Variants in C8orf34 observed in about 807,000 individuals in gnomAD.
The protein encoded by C8orf34 is uncharacterized protein C8orf34.
A neutral mutation model predicts 68.3 loss-of-function variants in C8orf34; 65 were observed. The observed-to-expected ratio is 0.95, with a 90% CI of 0.78 to 1.17. C8orf34 has a LOEUF of 1.17. Among genes scored for constraint, C8orf34 ranks in the 50% most tolerant of loss-of-function variants. C8orf34 has a pLI of 0.00. For missense variants in C8orf34, 664 were observed against 655.4 expected (o/e 1.01, Z -0.14); for synonymous variants, 244 against 241.2 (o/e 1.01, Z -0.11).
intron 6 of C8orf34, among the ~76,000 whole-genome samples, chr8:68,528,433 T>G (rs1815105756): frequency 1.3e-5 from 2 of 152,210 alleles, no homozygotes; most frequent in African/African-American, 4.8e-5. Flanking sequence ...ACCCACCTTG[T>G]TCTTAATTTT....
intron 12 of C8orf34, among the ~76,000 whole-genome samples, chr8:68,807,954 C>T (rs1257420533): frequency 6.6e-6 from 1 of 152,180 alleles, no homozygotes; most frequent in Admixed American, 6.5e-5. Context: ...ATTTGGGTAA[C>T]ATTTCTCAGT....
chr8:68,334,701 T>C (rs1048034393), intron 1 of C8orf34, among the ~76,000 whole-genome samples: 2 of 152,180 alleles, frequency 1.3e-5, no homozygotes, highest in African/African-American at 2.4e-5. Flanking sequence ...CAAAAGTCAC[T>C]ACATTTCTCT....
intron 1 of C8orf34, among the ~76,000 whole-genome samples, chr8:68,378,534 T>C (rs911018815): frequency 6.6e-6 from 1 of 152,164 alleles, no homozygotes; most frequent in Non-Finnish European, 1.5e-5. Flanking sequence ...CTGATTCTCC[T>C]GCCTCAGCCT....
intron 1 of C8orf34, among the ~76,000 whole-genome samples, chr8:68,431,506 C>T (rs1037194567): frequency 5.1e-4 from 77 of 152,150 alleles, no homozygotes; most frequent in African/African-American, 1.8e-3. Context: ...AACACTAAAT[C>T]AGTTGCTTCC....
rs571082299 is a variant in C8orf34, at chr8:68,726,367, G to C, written c.1404+4930G>C. Reference sequence around the variant, plus strand: ...TTGCTCAGGTTTTTCGGAATTGGAGGACTCTGAGAAACCAGAGCAGTATGG... The same window carrying C: ...TTGCTCAGGTTTTTCGGAATTGGAGCACTCTGAGAAACCAGAGCAGTATGG... On this transcript the variant is annotated intron_variant, in intron 10 of 13. Transcript: ENST00000518698. Among the ~76,000 whole-genome samples, 8 of 152,284 alleles carry C rather than the reference G, an allele frequency of 5.3e-5. No individual in the cohort carries two copies. In the South Asian group the frequency reaches 1.7e-3, roughly 32 times the overall value.
chr8:68,582,787 A>G (rs188947365), intron 7 of C8orf34, among the ~76,000 whole-genome samples: 90 of 152,254 alleles, frequency 5.9e-4, no homozygotes, highest in South Asian at 1.5e-3. Flanking sequence ...ACAGAAGTTG[A>G]TTAACATGCA....
chr8:68,420,284 A>G (rs1809904267), intron 1 of C8orf34, among the ~76,000 whole-genome samples: 1 of 152,132 alleles, frequency 6.6e-6, no homozygotes, highest in African/African-American at 2.4e-5. Flanking sequence ...GGGACCCAGA[A>G]GAACATCAGA....
In C8orf34 at chr8:68,538,053, C is replaced by G. The variant is rs1752680920; in HGVS notation, c.1105+4904C>G. 2.0e-5 allele frequency among the ~76,000 whole-genome samples: 3 copies of G among 152,102 alleles called. No homozygotes were observed. In the South Asian group the frequency reaches 6.2e-4, roughly 32 times the overall value. ...CAAATTATTGACAAATGCCTTTTATCTCAATTATACACCTATTGGAAAATT... is the reference window on the plus strand; with the variant it reads ...CAAATTATTGACAAATGCCTTTTATGTCAATTATACACCTATTGGAAAATT... On this transcript the variant is annotated intron_variant, in intron 7 of 13. Transcript: ENST00000518698.
At chr8:68,718,385 T>C (rs1232453608) in intron 9 of C8orf34, among the ~76,000 whole-genome samples, 1 of 152,206 alleles carries the variant, frequency 6.6e-6, no homozygotes, top group African/African-American at 2.4e-5. Flanking sequence ...TTATAAGGAC[T>C]CAAATTTCCT....
At chr8:68,798,785 G>T (rs1219575604) in intron 12 of C8orf34, among the ~76,000 whole-genome samples, 1 of 152,012 alleles carries the variant, frequency 6.6e-6, no homozygotes, top group East Asian at 1.9e-4. Context: ...CCATGTTTGT[G>T]GTAAAACTGT....
intron 12 of C8orf34, among the ~76,000 whole-genome samples, chr8:68,810,308 G>T (rs1824607163): frequency 6.6e-6 from 1 of 152,230 alleles, no homozygotes; most frequent in African/African-American, 2.4e-5. Flanking sequence ...TGCCAGCACG[G>T]ACATTGTCTC....
chr8:68,703,732 A>G (rs1306385755), intron 8 of C8orf34, among the ~76,000 whole-genome samples: 1 of 152,082 alleles, frequency 6.6e-6, no homozygotes, highest in Non-Finnish European at 1.5e-5. Context: ...GTTGAGCAAC[A>G]GCCACCTGTC....
At chr8:68,377,560 C>G (rs1009387095) in intron 1 of C8orf34, among the ~76,000 whole-genome samples, 13 of 152,144 alleles carry the variant, frequency 8.5e-5, no homozygotes, top group African/African-American at 2.7e-4. Flanking sequence ...TTCTGCTACT[C>G]TCAGTAATAT....
Position 68,776,449 on chromosome 8 carries a change from A to C in C8orf34, c.1455A>C (p.Glu485Asp), listed in dbSNP as rs765183450. 6.2e-7 allele frequency: 1 copy of C among 1,612,214 alleles called. No homozygotes were observed. Among genetic ancestry groups the C allele is most frequent in the East Asian group, 2.2e-5 (1 of 44,818 alleles). Residue 485 changes from glutamate to aspartate, a missense_variant and splice_region_variant, in exon 11 of 14, where the codon GAA (glutamate) becomes GAC (aspartate). Glu to Asp is a conservative substitution (Grantham distance 45). Transcript: ENST00000518698. ...VGHSLKNYME[E>D]DESLKQLQVV... is the part of the protein sequence containing the mutation. Reference sequence around the variant, plus strand: ...ACTCACTGAAAAACTACATGGAAGAAGTGAGTTTTAAGGTTGCTTTATAAT... The same window carrying C: ...ACTCACTGAAAAACTACATGGAAGACGTGAGTTTTAAGGTTGCTTTATAAT...
intron 10 of C8orf34, among the ~76,000 whole-genome samples, chr8:68,761,431 A>G (rs188830033): frequency 8.7e-4 from 132 of 151,880 alleles, no homozygotes; most frequent in Middle Eastern, 3.4e-3. Flanking sequence ...TATTTTGAGG[A>G]AAAAAAAATT....
At chr8:68,638,512 A>G (rs1818912379) in intron 7 of C8orf34, among the ~76,000 whole-genome samples, 1 of 152,114 alleles carries the variant, frequency 6.6e-6, no homozygotes, top group African/African-American at 2.4e-5. Context: ...TTCAATCTTT[A>G]TAATAAACTA....
intron 7 of C8orf34, among the ~76,000 whole-genome samples, chr8:68,630,076 T>C (rs1276213404): frequency 6.6e-6 from 1 of 152,050 alleles, no homozygotes; most frequent in Non-Finnish European, 1.5e-5. Flanking sequence ...CAATAGAACA[T>C]AGGAGAGTTT....
intron 7 of C8orf34, among the ~76,000 whole-genome samples, chr8:68,552,663 A>G (rs1816111938): frequency 6.6e-6 from 1 of 152,098 alleles, no homozygotes; most frequent in African/African-American, 2.4e-5. Flanking sequence ...TTTAGGGGGA[A>G]GCATTGAGTC....
chr8:68,790,872 T>C (rs1823975682), intron 12 of C8orf34: 2 of 701,618 alleles, frequency 2.9e-6, no homozygotes, highest in Non-Finnish European at 5.2e-6. Context: ...TTTCATACTT[T>C]GGTAATATTT....
Sources: gnomAD v4.1 joint callset for allele counts (sites outside exome capture counted in the v4.1 genomes callset) on GRCh38, gnomAD v4.1.1 for gene constraint, MANE v1.5 for transcripts, NCBI Gene and HGNC (gene_info 2026-07-23, HGNC 2026-07-21) for gene names.